The following SSH2 variants were observed in gnomAD, a reference collection of about 807,000 sequenced individuals.
SSH2 encodes slingshot protein phosphatase 2, also known as protein phosphatase Slingshot homolog 2.
A neutral mutation model predicts 135.2 loss-of-function variants in SSH2; 37 were observed. That is an observed-to-expected ratio of 0.27 (90% CI 0.21 to 0.36). The LOEUF (loss-of-function observed/expected upper bound fraction) is 0.36. Ranked by LOEUF, SSH2 falls within the 10% of genes least tolerant of loss-of-function variation. The pLI, the probability that SSH2 is intolerant of heterozygous loss-of-function variation, is 1.00. For synonymous variants in SSH2, 628 were observed against 646.2 expected (o/e 0.97, Z 0.43); for missense variants, 1,408 against 1,765.3 (o/e 0.80, Z 3.63).
chr17:29,809,056 C>A (rs1449558477), intron 2 of SSH2, among the ~76,000 whole-genome samples: 1 of 152,138 alleles, frequency 6.6e-6, no homozygotes, highest in Non-Finnish European at 1.5e-5. Context: ...GAGTTCAAGA[C>A]CAGCCTGGCC....
chr17:29,736,948 A>G (rs1347479140), intron 3 of SSH2, among the ~76,000 whole-genome samples: 4 of 149,852 alleles, frequency 2.7e-5, no homozygotes, highest in Non-Finnish European at 5.9e-5. Flanking sequence ...AAATACAAAA[A>G]ATTAGCTGGG....
intron 14 of SSH2, among the ~76,000 whole-genome samples, chr17:29,641,009 A>C (rs962457104): frequency 6.6e-6 from 1 of 152,122 alleles, no homozygotes; most frequent in African/African-American, 2.4e-5. Context: ...CTGTTGGTTC[A>C]AGCAATTCTC....
Position 29,840,639 on chromosome 17 carries a change from T to G in SSH2, c.144+8210A>C, listed in dbSNP as rs565767802. 3.9e-5 allele frequency among the ~76,000 whole-genome samples: 6 copies of G among 152,324 alleles called. No homozygotes were observed. The East Asian group carries it at 9.6e-4, about 24-fold the overall frequency. ...GGATGCCCACTTTTTCTTCTTCTTT[T>G]TCTCCAGAGCTGAAGTATGAACTTC... is the stretch of plus-strand genomic sequence containing the variant. On this transcript the variant is annotated intron_variant, in intron 2 of 15. Transcript: ENST00000540801.
chr17:29,690,160 T>C (rs1269350437), intron 5 of SSH2, among the ~76,000 whole-genome samples: 11 of 152,084 alleles, frequency 7.2e-5, no homozygotes, highest in Admixed American at 1.3e-4. Flanking sequence ...TCCCAGCACT[T>C]TGGGAAGCCA....
intron 2 of SSH2, among the ~76,000 whole-genome samples, chr17:29,816,119 G>T (rs569281015): frequency 3.3e-5 from 5 of 152,230 alleles, no homozygotes; most frequent in Non-Finnish European, 7.4e-5. Flanking sequence ...AAAGTGCTGG[G>T]ATTACAGATG....
rs1436688162 is a variant in SSH2 at position 29,631,880 on chromosome 17, A to C, written c.3314T>G (p.Leu1105Arg). 1 of 1,614,222 alleles carries C rather than the reference A, an allele frequency of 6.2e-7. No individual in the cohort carries two copies. The highest frequency in any genetic ancestry group is 1.7e-5 in the Admixed American group (1 of 60,026). The change falls in exon 16 of 16, where the codon CTG (leucine) becomes CGG (arginine). Residue 1105 changes from leucine (L) to arginine (R), a missense_variant. By Grantham distance (102) the Leu-to-Arg change is moderately radical. Coordinates refer to ENST00000540801, the MANE Select transcript of SSH2 (RefSeq NM_001282129.2). ...QVSLHPQVLPLPHSSSPEHNR... is the reference protein window; with the variant it reads ...QVSLHPQVLPRPHSSSPEHNR... ...GTGCTCAGGGGAGGAAGAATGAGGC[A>C]GAGGTAGCACTTGGGGGTGCAGAGA...
At position 29,632,821 on chromosome 17, in the gene SSH2, C is replaced by A. The variant is rs913755832; in HGVS notation, c.2373G>T (p.Gly791=). ...TEIESISQGV[G]QIQLKGDILP... ...AGATGTCTCCTTTCAGTTGAATCTG[C>A]CCAACTCCTTGACTGATGGACTCAA... Residue 791 remains glycine, a synonymous_variant, in exon 16 of 16, where the codon GGG becomes GGT. Coordinates refer to ENST00000540801, the MANE Select transcript of SSH2 (RefSeq NM_001282129.2). 1.9e-6 allele frequency: 3 copies of A among 1,614,026 alleles called. No individual in the cohort carries two copies. In the African/African-American group the frequency reaches 4.0e-5, roughly 22 times the overall value.
rs1555625857 is a variant in SSH2 at position 29,744,885 on chromosome 17, G to GTGTGTGTGTGTT, written c.189-41824_189-41823insAACACACACACA. 5.2e-3 allele frequency among the ~76,000 whole-genome samples: 791 copies of GTGTGTGTGTGTT among 151,624 alleles called. 6 individuals are homozygous for GTGTGTGTGTGTT. Among genetic ancestry groups the GTGTGTGTGTGTT allele is most frequent in the African/African-American group, 0.018 (757 of 41,156 alleles). On this transcript the variant is annotated intron_variant, in intron 3 of 15. Coordinates refer to ENST00000540801, the MANE Select transcript of SSH2 (RefSeq NM_001282129.2). Reference sequence around the variant, plus strand: ...AGTGTGTGTGTGTGTGTGTGTGTGTGTGTGTGTGTGTGTGTGTTTAAATAA... The same window carrying GTGTGTGTGTGTT: ...AGTGTGTGTGTGTGTGTGTGTGTGTGTGTGTGTGTGTTTGTGTGTGTGTGTGTGTTTAAATAA...
At chr17:29,674,589 A>G (rs2037628946) in intron 8 of SSH2, among the ~76,000 whole-genome samples, 1 of 152,012 alleles carries the variant, frequency 6.6e-6, no homozygotes. Flanking sequence ...CACATCATCT[A>G]TTTTTTTCCC....
intron 3 of SSH2, among the ~76,000 whole-genome samples, chr17:29,750,109 T>C (rs2040881771): frequency 6.6e-6 from 1 of 152,124 alleles, no homozygotes; most frequent in Admixed American, 6.6e-5. Flanking sequence ...TTATTTTAAC[T>C]TTTTGGCTCT....
chr17:29,631,698 G>C lies in SSH2; in HGVS notation c.3496C>G (p.His1166Asp), dbSNP rs201765693. The C allele has an allele frequency of 6.2e-7, 1 of 1,614,182 alleles. No homozygotes were observed. Among genetic ancestry groups the C allele is most frequent in the Non-Finnish European group, 8.5e-7 (1 of 1,180,036 alleles). The change falls in exon 16 of 16, where the codon CAC (histidine) becomes GAC (aspartate). Residue 1166 changes from histidine (H) to aspartate (D), a missense_variant. By Grantham distance (81) the His-to-Asp change is moderately conservative. Around this residue, in one of 3 missense-constraint regions of SSH2, gnomAD observed 1,080 missense variants for 1,144.5 expected, o/e 0.94. Transcript: ENST00000540801. ...CTCTGCTCTGTGAAGCCCTCCAGGT[G>C]AACCATAGTCTGGGGATGCAGGTAA... ...LDYLHPQTMV[H>D]LEGFTEQSST... is the part of the protein sequence containing the mutation.
chr17:29,877,041 C>T (rs922037839), intron 1 of SSH2, among the ~76,000 whole-genome samples: 8 of 152,010 alleles, frequency 5.3e-5, no homozygotes, highest in Non-Finnish European at 1.0e-4. Context: ...ATCTAATAAT[C>T]CAATTAAAAA....
intron 3 of SSH2, among the ~76,000 whole-genome samples, chr17:29,772,334 C>T (rs2041605304): frequency 1.3e-5 from 2 of 151,880 alleles, no homozygotes; most frequent in South Asian, 4.2e-4. Context: ...CAAGCTCCAC[C>T]TCCCGAGTTC....
intron 1 of SSH2, among the ~76,000 whole-genome samples, chr17:29,859,109 T>C (rs2065714994): frequency 6.6e-6 from 1 of 152,168 alleles, no homozygotes; most frequent in Non-Finnish European, 1.5e-5. Context: ...CTTATACTTG[T>C]TATGGTAGCC....
intron 2 of SSH2, among the ~76,000 whole-genome samples, chr17:29,831,461 G>C (rs955668886): frequency 1.3e-5 from 2 of 151,896 alleles, no homozygotes; most frequent in African/African-American, 4.8e-5. Context: ...AGACTCCAAA[G>C]AATCCCAGCT....
intron 15 of SSH2, among the ~76,000 whole-genome samples, chr17:29,634,584 C>T (rs1020394812): frequency 1.2e-4 from 19 of 152,158 alleles, no homozygotes; most frequent in African/African-American, 3.1e-4. Flanking sequence ...GACGGAGTCT[C>T]GCTCTGTTGC....
At chr17:29,860,023 T>G (rs1356530974) in intron 1 of SSH2, among the ~76,000 whole-genome samples, 1 of 152,058 alleles carries the variant, frequency 6.6e-6, no homozygotes, top group African/African-American at 2.4e-5. Flanking sequence ...ATTTTTTGTA[T>G]TTTTAGTAGA....
At chr17:29,809,710 C>T (rs1053600207) in intron 2 of SSH2, among the ~76,000 whole-genome samples, 3 of 151,934 alleles carry the variant, frequency 2.0e-5, no homozygotes, top group South Asian at 2.1e-4. Flanking sequence ...CACACACCAC[C>T]GTGCCCAGCT....
intron 1 of SSH2, among the ~76,000 whole-genome samples, chr17:29,922,545 A>C (rs922751876): frequency 4.6e-5 from 7 of 152,250 alleles, no homozygotes; most frequent in Admixed American, 4.6e-4. Flanking sequence ...CAAAAACTTT[A>C]ATGTAAATGC....
Sources: allele counts gnomAD v4.1 joint callset (sites outside exome capture counted in the v4.1 genomes callset), GRCh38; gene constraint gnomAD v4.1.1; regional missense constraint gnomAD v4.1.1; transcripts MANE v1.5; gene names NCBI Gene and HGNC (gene_info 2026-07-23, HGNC 2026-07-21).